KDM4C: variants seen among roughly 807,000 people sequenced by gnomAD.
KDM4C encodes the protein lysine-specific demethylase 4C.
In KDM4C, 81 loss-of-function variants were observed where a neutral mutation model predicts 129.3. That is an observed-to-expected ratio of 0.63 (90% CI 0.52 to 0.75). The LOEUF is 0.75. Ranked by LOEUF, KDM4C falls within the 30% of genes least tolerant of loss-of-function variation. The probability of loss-of-function intolerance (pLI) is 0.00; values close to 1 mark genes in which losing one functional copy is unlikely to be tolerated. For missense variants in KDM4C, 1,457 were observed against 1,304.0 expected (o/e 1.12, Z -1.81); for synonymous variants, 573 against 456.1 (o/e 1.26, Z -3.26).
chr9:6,808,492 G>A (rs1222499037), intron 3 of KDM4C, among the ~76,000 whole-genome samples: 2 of 142,020 alleles, frequency 1.4e-5, no homozygotes, highest in African/African-American at 5.6e-5. Context: ...ATGCTTGAAG[G>A]CAGCATGCTC....
rs1298591864 is a variant in KDM4C, at chr9:6,986,390, G to C, written c.1401G>C (p.Glu467Asp). 1 of 1,613,572 alleles carries C rather than the reference G, an allele frequency of 6.2e-7. No individual in the cohort carries two copies. Residue 467 changes from glutamate (E) to aspartate (D), a missense_variant, in exon 11 of 22, where the codon GAG becomes GAC. Glu to Asp is a conservative substitution (Grantham distance 45, BLOSUM62 2). Coordinates refer to ENST00000381309, the MANE Select transcript of KDM4C (RefSeq NM_015061.6). Reference sequence around the variant, plus strand: ...CTGTAACAGAAGACATAAAAACTGAGGATGACAAAGCTTATGCATATAGAA... The same window carrying C: ...CTGTAACAGAAGACATAAAAACTGACGATGACAAAGCTTATGCATATAGAA... ...STSVTEDIKT[E>D]DDKAYAYRSV...
At chr9:6,723,630 C>CA (rs4008336) in intron 1 of KDM4C, 315 of 112,020 alleles carry the variant, frequency 2.8e-3, no homozygotes, top group African/African-American at 3.7e-3. Flanking sequence ...GACTCCATCT[C>CA]AAAAAAAAAA....
rs1433591242 is a variant in KDM4C at position 6,787,340 on chromosome 9, C to T, written c.-17-5632C>T. Among the ~76,000 whole-genome samples, 3 of 152,334 alleles carry T rather than the reference C, an allele frequency of 2.0e-5. No individual in the cohort carries two copies. In the East Asian group the frequency reaches 5.8e-4, roughly 29 times the overall value. ...CTCCGCCCCCGGGGTTCAAGTGAGT[C>T]TTGTGCCTCAGCCTCCCTAGTAGCT... is the stretch of plus-strand genomic sequence containing the variant. On this transcript the variant is annotated intron_variant, in intron 1 of 21. Coordinates refer to ENST00000381309, the MANE Select transcript of KDM4C (RefSeq NM_015061.6).
Position 7,103,749 on chromosome 9 carries a change from G to T in KDM4C, c.2489G>T (p.Gly830Val). ...VSGACIQCSYGRCPASFHVTC... is the reference protein window; with the variant it reads ...VSGACIQCSYVRCPASFHVTC... ...GGAGCCTGCATCCAGTGTTCCTACG[G>T]TCGCTGCCCGGCCTCCTTCCATGTC... The change falls in exon 18 of 22, where the codon GGT becomes GTT. Residue 830 changes from glycine to valine, a missense_variant. Coordinates refer to ENST00000381309, the MANE Select transcript of KDM4C (RefSeq NM_015061.6). The T allele has an allele frequency of 6.2e-7, 1 of 1,614,024 alleles. No homozygotes were observed. The highest frequency in any genetic ancestry group is 8.5e-7 in the Non-Finnish European group (1 of 1,179,942).
At chr9:7,133,380 A>G (rs76208661) in intron 19 of KDM4C, among the ~76,000 whole-genome samples, 1,919 of 152,248 alleles carry the variant, frequency 0.013, 39 homozygotes, top group African/African-American at 0.044. Context: ...CCCACTTGCT[A>G]TAAGGTAGTC....
At chr9:7,099,527 G>A (rs993601299) in intron 17 of KDM4C, among the ~76,000 whole-genome samples, 1 of 152,142 alleles carries the variant, frequency 6.6e-6, no homozygotes, top group Non-Finnish European at 1.5e-5. Flanking sequence ...CTGAAGAATA[G>A]GTGAAAAAAA....
At chr9:6,810,876 AAAAT>A (rs200594931) in intron 3 of KDM4C, among the ~76,000 whole-genome samples, 3,108 of 152,074 alleles carry the variant, frequency 0.02, 124 homozygotes, top group African/African-American at 0.07. Flanking sequence ...TGTCTCCAAA[AAAAT>A]AAATAAATAA....
chr9:7,069,601 C>G (rs866171829), intron 17 of KDM4C, among the ~76,000 whole-genome samples: 53 of 152,286 alleles, frequency 3.5e-4, no homozygotes, highest in Middle Eastern at 3.4e-3. Context: ...AGTTTTGTCT[C>G]TCAATTTCCT....
chr9:7,065,996 A>T (rs1488212124), intron 17 of KDM4C, among the ~76,000 whole-genome samples: 2 of 28,024 alleles, frequency 7.1e-5, no homozygotes, highest in African/African-American at 1.4e-4. Context: ...AACAGCTTTA[A>T]AAAAAAAAAA....
At chr9:6,843,992 C>A (rs1400679120) in intron 4 of KDM4C, among the ~76,000 whole-genome samples, 1 of 152,076 alleles carries the variant, frequency 6.6e-6, no homozygotes, top group Non-Finnish European at 1.5e-5. Flanking sequence ...TGTCACCATA[C>A]CCGGCTATTT....
rs543286878 is a variant in KDM4C at position 7,050,713 on chromosome 9, G to A, written c.2424+1513G>A. Among the ~76,000 whole-genome samples the A allele has an allele frequency of 1.4e-3, 214 of 152,162 alleles. 1 individual carries two copies. The highest frequency in any genetic ancestry group is 4.9e-3 in the African/African-American group (205 of 41,524). On this transcript the variant is annotated intron_variant, in intron 17 of 21. Coordinates refer to ENST00000381309, the MANE Select transcript of KDM4C (RefSeq NM_015061.6). ...CTCAGAAGGAGTAGTCACTGCTCTT[G>A]AGGCTGCCTCCACAGGCCTATGTCT... is the stretch of plus-strand genomic sequence containing the variant.
intron 4 of KDM4C, among the ~76,000 whole-genome samples, chr9:6,840,322 C>G (rs1836683170): frequency 1.3e-5 from 2 of 152,112 alleles, no homozygotes; most frequent in African/African-American, 2.4e-5. Context: ...ATCTGCCTGC[C>G]TTGGCCTCCT....
intron 8 of KDM4C, among the ~76,000 whole-genome samples, chr9:6,927,256 A>C (rs540983242): frequency 6.6e-6 from 1 of 152,102 alleles, no homozygotes; most frequent in South Asian, 2.1e-4. Flanking sequence ...CAGCCTCCTG[A>C]GTAGTTGGGA....
chr9:7,015,470 C>G (rs886598214), intron 14 of KDM4C, among the ~76,000 whole-genome samples: 2 of 152,000 alleles, frequency 1.3e-5, no homozygotes, highest in East Asian at 1.9e-4. Context: ...GGTAGTTAGA[C>G]TTAATTTTTG....
At chr9:6,803,344 G>T (rs549308467) in intron 2 of KDM4C, among the ~76,000 whole-genome samples, 1 of 152,046 alleles carries the variant, frequency 6.6e-6, no homozygotes, top group South Asian at 2.1e-4. Context: ...AGGCAGAGGT[G>T]GTCGGATCAC....
At chr9:6,870,696 G>T (rs1015509873) in intron 5 of KDM4C, among the ~76,000 whole-genome samples, 3 of 151,900 alleles carry the variant, frequency 2.0e-5, no homozygotes, top group Non-Finnish European at 2.9e-5. Context: ...TCATTTTGGG[G>T]TTGTTATCTG....
intron 3 of KDM4C, among the ~76,000 whole-genome samples, chr9:6,807,564 C>A (rs1017092358): frequency 2.0e-5 from 3 of 150,258 alleles, no homozygotes; most frequent in Non-Finnish European, 4.5e-5. Context: ...AGCGCCTCTG[C>A]CCGGCCGAGA....
At chr9:7,013,342 G>T (rs1469954185) in intron 13 of KDM4C, among the ~76,000 whole-genome samples, 1 of 152,082 alleles carries the variant, frequency 6.6e-6, no homozygotes, top group Non-Finnish European at 1.5e-5. Flanking sequence ...TTCAAATACT[G>T]CAAGTGATGA....
intron 9 of KDM4C, among the ~76,000 whole-genome samples, chr9:6,981,373 G>C (rs1371899166): frequency 6.6e-6 from 1 of 152,198 alleles, no homozygotes; most frequent in Non-Finnish European, 1.5e-5. Context: ...GAACTTGTTA[G>C]ACCACTTACA....
Sources: gnomAD v4.1 joint callset for allele counts (sites outside exome capture counted in the v4.1 genomes callset) on GRCh38, gnomAD v4.1.1 for gene constraint, MANE v1.5 for transcripts, NCBI Gene and HGNC (gene_info 2026-07-23, HGNC 2026-07-21) for gene names.